The following NSMAF variants were observed in gnomAD, a reference collection of about 807,000 sequenced individuals.
The protein encoded by NSMAF is protein FAN.
Under a neutral mutation model 134.9 loss-of-function variants are expected in NSMAF, and 90 were observed. The observed-to-expected ratio is 0.67, with a 90% confidence interval of 0.56 to 0.79. The LOEUF (loss-of-function observed/expected upper bound fraction) is 0.79. Ranked by LOEUF, NSMAF falls within the 30% of genes least tolerant of loss-of-function variation. The pLI, the probability that NSMAF is intolerant of heterozygous loss-of-function variation, is 0.00. For synonymous variants in NSMAF, 358 were observed against 389.6 expected, an observed-to-expected ratio of 0.92 and a Z score of 0.96; for missense variants, 1,010 against 1,119.0, an observed-to-expected ratio of 0.90 and a Z score of 1.39.
intron 10 of NSMAF, among the ~76,000 whole-genome samples, chr8:58,608,271 T>C (rs1166392986): frequency 1.3e-5 from 2 of 152,240 alleles, no homozygotes; most frequent in East Asian, 3.8e-4. Flanking sequence ...CTGTCTTTTA[T>C]CTCATTAAAA....
chr8:58,657,810 C>T (rs1363219748), intron 1 of NSMAF, among the ~76,000 whole-genome samples: 1 of 152,168 alleles, frequency 6.6e-6, no homozygotes, highest in Non-Finnish European at 1.5e-5. Context: ...ACAGTTGATG[C>T]CTCCTGACTG....
intron 1 of NSMAF, among the ~76,000 whole-genome samples, chr8:58,646,644 A>C (rs1428044475): frequency 6.6e-6 from 1 of 152,204 alleles, no homozygotes; most frequent in East Asian, 1.9e-4. Flanking sequence ...TACCCGCTTT[A>C]AAATTTTTCT....
intron 2 of NSMAF, chr8:58,639,933 G>C: frequency 1.1e-5 from 4 of 360,620 alleles, no homozygotes; most frequent in South Asian, 8.6e-5. Context: ...CTCTAAAAGA[G>C]TTTAATTCAA....
At chr8:58,594,510 G>T in intron 22 of NSMAF, 1 of 555,162 alleles carries the variant, frequency 1.8e-6, no homozygotes, top group South Asian at 2.4e-5. Context: ...CCCACTCTTT[G>T]CTTCCCTGTG....
At chr8:58,651,679 G>A (rs776093273) in intron 1 of NSMAF, among the ~76,000 whole-genome samples, 8 of 152,184 alleles carry the variant, frequency 5.3e-5, no homozygotes, top group Non-Finnish European at 8.8e-5. Flanking sequence ...GTACTATCAA[G>A]AAGTTAAAGA....
At chr8:58,594,154 T>C in intron 23 of NSMAF, 78 bp downstream of exon 23, 2 of 1,294,782 alleles carry the variant, frequency 1.5e-6, no homozygotes, top group South Asian at 1.2e-5. Flanking sequence ...AGTGCAGTCC[T>C]TGACCACGAG....
intron 1 of NSMAF, among the ~76,000 whole-genome samples, chr8:58,653,788 G>A (rs945596327): frequency 5.9e-5 from 9 of 152,034 alleles, no homozygotes; most frequent in Admixed American, 4.6e-4. Flanking sequence ...TTCCTTAAAT[G>A]ACCATTCCTA....
At chr8:58,610,033 T>C (rs1231642017) in intron 9 of NSMAF, among the ~76,000 whole-genome samples, 1 of 152,166 alleles carries the variant, frequency 6.6e-6, no homozygotes, top group Non-Finnish European at 1.5e-5. Context: ...AAATAGGCCT[T>C]GAAACTATTC....
intron 21 of NSMAF, among the ~76,000 whole-genome samples, chr8:58,596,475 G>T (rs1806137818): frequency 6.6e-6 from 1 of 152,194 alleles, no homozygotes; most frequent in African/African-American, 2.4e-5. Flanking sequence ...CTGGAGAAAG[G>T]TGAGTGTTCT....
chr8:58,602,082 ATTTAGG>A lies in NSMAF; in HGVS notation c.1095_1100del (p.Leu366_Asn367del). The A allele has an allele frequency of 6.2e-7, 1 of 1,613,626 alleles. No individual in the cohort carries two copies. The highest frequency in any genetic ancestry group is 8.5e-7 in the Non-Finnish European group (1 of 1,179,594). Reference sequence around the variant, plus strand: ...CCAGTAGTCTCTCCAGCCGTTCCTTATTTAGGGCCCCTACTGGCTTACTGAGATCCC... The same window carrying A: ...CCAGTAGTCTCTCCAGCCGTTCCTTAGCCCCTACTGGCTTACTGAGATCCC... On this transcript the variant is annotated inframe_deletion, in exon 14 of 31. Coordinates refer to ENST00000038176, the MANE Select transcript of NSMAF (RefSeq NM_003580.4).
intron 12 of NSMAF, among the ~76,000 whole-genome samples, chr8:58,603,952 A>G (rs552773199): frequency 3.9e-5 from 6 of 152,318 alleles, no homozygotes; most frequent in East Asian, 3.9e-4. Context: ...CTCAAACTAA[A>G]AGAACCAGAC....
intron 5 of NSMAF, among the ~76,000 whole-genome samples, chr8:58,632,767 C>T (rs986643741): frequency 1.3e-5 from 2 of 152,218 alleles, no homozygotes; most frequent in African/African-American, 4.8e-5. Context: ...ATCCAAATGC[C>T]TGCTGGACGT....
chr8:58,617,838 G>A lies in NSMAF; in HGVS notation c.557+5382C>T, dbSNP rs565969730. ...ATATACCCAAAGGATTATAAATCAT[G>A]CTACTATAAAGACACATGCACATGT... On this transcript the variant is annotated intron_variant, in intron 9 of 30. Transcript: ENST00000038176. Among the ~76,000 whole-genome samples, 6 of 152,254 alleles carry A rather than the reference G, an allele frequency of 3.9e-5. No homozygotes were observed. The East Asian group carries it at 5.8e-4, about 15-fold the overall frequency.
intron 26 of NSMAF, 22 bp downstream of exon 26, chr8:58,589,430 A>C: frequency 7.0e-7 from 1 of 1,432,826 alleles, no homozygotes; most frequent in Non-Finnish European, 9.2e-7. Flanking sequence ...AGTTAAAAAA[A>C]CTTTTTAAAT....
intron 2 of NSMAF, 35 bp from the exon 3 acceptor site, chr8:58,635,581 C>T (rs751059990): frequency 7.6e-7 from 1 of 1,307,644 alleles, no homozygotes; most frequent in Non-Finnish European, 1.1e-6. Flanking sequence ...GTTTGATGAG[C>T]ATAACAAAAA....
intron 6 of NSMAF, among the ~76,000 whole-genome samples, 186 bp from the exon 7 acceptor site, chr8:58,623,966 T>G (rs1451099959): frequency 6.6e-6 from 1 of 152,144 alleles, no homozygotes; most frequent in Non-Finnish European, 1.5e-5. Context: ...ATTTATTATT[T>G]CCTTCCTTCT....
intron 1 of NSMAF, among the ~76,000 whole-genome samples, chr8:58,651,817 A>T (rs1807588885): frequency 6.6e-6 from 1 of 152,256 alleles, no homozygotes. Flanking sequence ...TAAAATGCAC[A>T]TTCCAAGGCA....
chr8:58,597,609 C>T (rs1305485614), intron 20 of NSMAF, 59 bp from the exon 21 acceptor site: 45 of 1,499,178 alleles, frequency 3.0e-5, no homozygotes, highest in South Asian at 7.0e-5. Flanking sequence ...CTTGAAAGCA[C>T]GCATTTCAAA....
At chr8:58,639,022 C>T (rs752279882) in intron 2 of NSMAF, among the ~76,000 whole-genome samples, 1 of 152,062 alleles carries the variant, frequency 6.6e-6, no homozygotes, top group African/African-American at 2.4e-5. Context: ...TGGTGGCTCA[C>T]GCCTGTAATC....
Sources: allele counts gnomAD v4.1 joint callset (sites outside exome capture counted in the v4.1 genomes callset), GRCh38; gene constraint gnomAD v4.1.1; transcripts MANE v1.5; gene names NCBI Gene and HGNC (gene_info 2026-07-23, HGNC 2026-07-21).